EXOC6: variants seen among roughly 807,000 people sequenced by gnomAD.
EXOC6 encodes exocyst complex component 6.
In EXOC6, 60 loss-of-function variants were observed where a neutral mutation model predicts 112.5. The ratio of observed to expected loss-of-function variants is 0.53; its 90% CI spans 0.43 to 0.66. The LOEUF is 0.66. EXOC6 is among the 30% of genes least tolerant of loss of function. The probability of loss-of-function intolerance (pLI) is 0.00; values close to 1 mark genes in which losing one functional copy is unlikely to be tolerated. For synonymous variants in EXOC6, 295 were observed against 308.0 expected, an observed-to-expected ratio of 0.96 and a Z score of 0.44; for missense variants, 855 against 957.1, an observed-to-expected ratio of 0.89 and a Z score of 1.41.
At chr10:93,051,643 C>T (rs1846295117) in intron 20 of EXOC6, among the ~76,000 whole-genome samples, 1 of 152,140 alleles carries the variant, frequency 6.6e-6, no homozygotes, top group South Asian at 2.1e-4. Context: ...TCATATGGAG[C>T]TCATCATTTG....
chr10:93,023,514 G>A (rs1021289894), intron 20 of EXOC6, among the ~76,000 whole-genome samples: 9 of 152,144 alleles, frequency 5.9e-5, no homozygotes, highest in African/African-American at 2.2e-4. Context: ...GAGGATTAGC[G>A]GTACTGGTGC....
At chr10:92,928,811 A>C (rs193028746) in intron 9 of EXOC6, among the ~76,000 whole-genome samples, 1 of 152,350 alleles carries the variant, frequency 6.6e-6, no homozygotes, top group East Asian at 1.9e-4. Flanking sequence ...CAAGAAACTA[A>C]GTGAATAAGG....
At chr10:92,961,425 T>C (rs1853994815) in intron 17 of EXOC6, among the ~76,000 whole-genome samples, 1 of 152,180 alleles carries the variant, frequency 6.6e-6, no homozygotes, top group African/African-American at 2.4e-5. Flanking sequence ...TTACAGCTGA[T>C]TTAATACATT....
intron 6 of EXOC6, among the ~76,000 whole-genome samples, chr10:92,910,879 A>G (rs1282573923): frequency 2.2e-5 from 2 of 89,870 alleles, no homozygotes; most frequent in African/African-American, 8.7e-5. Context: ...TAGCGAGCCA[A>G]GATCGCGCCA....
intron 20 of EXOC6, among the ~76,000 whole-genome samples, chr10:93,046,996 G>C (rs991427556): frequency 6.6e-6 from 1 of 152,212 alleles, no homozygotes; most frequent in African/African-American, 2.4e-5. Context: ...AGGTGCAAGA[G>C]AGCTTTGCAT....
chr10:92,985,256 C>T (rs1469635871), intron 18 of EXOC6, among the ~76,000 whole-genome samples: 1 of 152,062 alleles, frequency 6.6e-6, no homozygotes, highest in Non-Finnish European at 1.5e-5. Context: ...CAGTTATTTT[C>T]CCTGTTTTCC....
chr10:93,057,706 A>C (rs567761965), intron 21 of EXOC6, among the ~76,000 whole-genome samples: 86 of 152,346 alleles, frequency 5.6e-4, no homozygotes, highest in African/African-American at 1.4e-3. Context: ...TTTCAATTTT[A>C]AATTAAAATT....
intron 1 of EXOC6, among the ~76,000 whole-genome samples, chr10:92,858,030 T>A (rs2422062): frequency 7.5e-5 from 9 of 120,566 alleles, no homozygotes; most frequent in South Asian, 6.6e-4. Context: ...GTTCCCCCCC[T>A]CCGCCGGCCA....
At chr10:92,974,893 A>C (rs951241858) in intron 18 of EXOC6, among the ~76,000 whole-genome samples, 84 of 152,304 alleles carry the variant, frequency 5.5e-4, no homozygotes, top group Non-Finnish European at 9.8e-4. Flanking sequence ...GCTGGAGTGC[A>C]GTGGCGTGCT....
chr10:92,874,276 A>G lies in EXOC6; in HGVS notation c.102-19073A>G, dbSNP rs995028680. On this transcript the variant is annotated intron_variant, in intron 1 of 21. Transcript: ENST00000260762. ...TGTTGTGAAAAAACTAAAAGTGTGTAAAATTTATATGGCATATCATCATCA... is the reference window on the plus strand; with the variant it reads ...TGTTGTGAAAAAACTAAAAGTGTGTGAAATTTATATGGCATATCATCATCA... 3.9e-5 allele frequency among the ~76,000 whole-genome samples: 6 copies of G among 152,164 alleles called. No homozygotes were observed. In the East Asian group the frequency reaches 5.8e-4, roughly 15 times the overall value.
chr10:92,933,617 C>T (rs1479728582), intron 9 of EXOC6, among the ~76,000 whole-genome samples: 1 of 152,096 alleles, frequency 6.6e-6, no homozygotes, highest in African/African-American at 2.4e-5. Context: ...TGAAATATTT[C>T]ATGTAATAAA....
At chr10:92,940,855 T>C in intron 13 of EXOC6, 31 bp downstream of exon 13, 3 of 1,344,856 alleles carry the variant, frequency 2.2e-6, no homozygotes, top group Non-Finnish European at 3.2e-6. Context: ...CTTAATATAA[T>C]GAATATGTTT....
chr10:92,894,267 A>G (rs976513667), intron 2 of EXOC6, among the ~76,000 whole-genome samples: 9 of 152,170 alleles, frequency 5.9e-5, no homozygotes. Flanking sequence ...ATGATGACCT[A>G]ATGAGTCACT....
chr10:92,853,877 T>C (rs1589701096), intron 1 of EXOC6, among the ~76,000 whole-genome samples: 1 of 151,938 alleles, frequency 6.6e-6, no homozygotes, highest in Non-Finnish European at 1.5e-5. Context: ...GAGAAAAAAA[T>C]TGATAAATTG....
chr10:92,871,604 C>T (rs896806197), intron 1 of EXOC6, among the ~76,000 whole-genome samples: 2 of 151,396 alleles, frequency 1.3e-5, no homozygotes, highest in African/African-American at 4.9e-5. Context: ...TCTAGGAGAT[C>T]GAGACCAGCC....
chr10:92,910,464 G>C (rs1224095058), intron 6 of EXOC6, among the ~76,000 whole-genome samples: 4 of 152,062 alleles, frequency 2.6e-5, no homozygotes, highest in Non-Finnish European at 5.9e-5. Flanking sequence ...CTCTGGGTGG[G>C]GAAATTGCCT....
Position 93,046,309 on chromosome 10 carries a change from C to G in EXOC6, c.2170-10615C>G, listed in dbSNP as rs75207225. On this transcript the variant is annotated intron_variant, in intron 20 of 21. Coordinates refer to ENST00000260762, the MANE Select transcript of EXOC6 (RefSeq NM_019053.6). ...CTGGGATAACTATGATTCACCCAGA[C>G]TAAAAATGGAATTATTGATATTTGA... Among the ~76,000 whole-genome samples, 256 of 152,246 alleles carry G rather than the reference C, an allele frequency of 1.7e-3. 1 individual carries two copies. In the East Asian group the frequency reaches 0.042, roughly 25 times the overall value.
intron 20 of EXOC6, among the ~76,000 whole-genome samples, chr10:93,023,944 A>G (rs1366152793): frequency 6.6e-6 from 1 of 152,172 alleles, no homozygotes; most frequent in East Asian, 1.9e-4. Flanking sequence ...CCAGGTGACC[A>G]AAGATTATTT....
chr10:92,958,897 C>G (rs1853834595), intron 17 of EXOC6, among the ~76,000 whole-genome samples: 1 of 152,046 alleles, frequency 6.6e-6, no homozygotes. Context: ...AGATCAAGAC[C>G]ATCCTGGCCA....
Sources: allele counts gnomAD v4.1 joint callset (sites outside exome capture counted in the v4.1 genomes callset), GRCh38; gene constraint gnomAD v4.1.1; transcripts MANE v1.5; gene names NCBI Gene and HGNC (gene_info 2026-07-23, HGNC 2026-07-21).